The following CCDC97 variants were observed in gnomAD, a reference collection of about 807,000 sequenced individuals.
CCDC97 encodes the protein coiled-coil domain-containing protein 97.
CCDC97 carries 27 observed loss-of-function variants against 33.9 expected under a neutral mutation model. The observed-to-expected ratio is 0.80, with a 90% CI of 0.59 to 1.10. The LOEUF is 1.10. CCDC97 is among the 50% of genes least tolerant of loss of function. CCDC97 has a pLI of 0.00. For synonymous variants in CCDC97, 217 were observed against 194.0 expected (o/e 1.12, Z -0.99); for missense variants, 422 against 476.6 (o/e 0.89, Z 1.07).
At chr19:41,317,858 G>A (rs1353735168) in intron 2 of CCDC97, among the ~76,000 whole-genome samples, 1 of 151,758 alleles carries the variant, frequency 6.6e-6, no homozygotes, top group African/African-American at 2.4e-5. Flanking sequence ...AGAGCAGCCT[G>A]GCCAACATGG....
rs771296615 is a variant in CCDC97, at chr19:41,316,479, C to G, written c.142C>G (p.Pro48Ala). 4 of 1,614,194 alleles carry G rather than the reference C, an allele frequency of 2.5e-6. No individual in the cohort carries two copies. The highest frequency in any genetic ancestry group is 3.4e-6 in the Non-Finnish European group (4 of 1,180,006). ...QDKVEAAEAT[P>A]VALDSDTSGA... is the part of the protein sequence containing the mutation. ...CAAAGTGGAAGCAGCTGAGGCAACA[C>G]CAGTGGCCCTGGACAGTGACACCTC... Residue 48 changes from proline to alanine, a missense_variant, in exon 2 of 5, where the codon CCA becomes GCA. Physicochemically the swap from Pro to Ala is conservative, Grantham distance 27. Coordinates refer to ENST00000269967, the MANE Select transcript of CCDC97 (RefSeq NM_052848.3).
intron 1 of CCDC97, 83 bp downstream of exon 1, chr19:41,310,439 G>A: frequency 6.5e-7 from 1 of 1,539,494 alleles, no homozygotes. Flanking sequence ...ACGCGAAGTA[G>A]GACTCGTTTT....
chr19:41,318,943 G>A (rs1027408248), intron 2 of CCDC97, among the ~76,000 whole-genome samples: 2 of 152,074 alleles, frequency 1.3e-5, no homozygotes, highest in South Asian at 2.1e-4. Flanking sequence ...CCAGACTAGG[G>A]CCCCACAAAC....
rs771327551 is a variant in CCDC97, at chr19:41,324,530, C to T, written c.*1815C>T. The T allele has an allele frequency of 1.3e-5, 2 of 152,220 alleles. No homozygotes were observed. Among genetic ancestry groups the T allele is most frequent in the Non-Finnish European group, 2.9e-5 (2 of 68,062 alleles). The allele number at this position is 152,220 out of a possible 1,614,324, so 9.4% of individuals were successfully genotyped here. A position where few individuals can be genotyped will look rare whatever the true frequency, so the allele number is the denominator to read the frequency against. On this transcript the variant is annotated 3_prime_UTR_variant, in exon 5 of 5. Transcript: ENST00000269967. ...TGGTAGGCGGGCCTAACAAGGGCTC[C>T]GTGCTAGCCACTGTCCCGCACACAG...
At chr19:41,311,306 C>T (rs1405696946) in intron 1 of CCDC97, among the ~76,000 whole-genome samples, 2 of 152,000 alleles carry the variant, frequency 1.3e-5, no homozygotes, top group Non-Finnish European at 2.9e-5. Context: ...GAGTGTCACT[C>T]GAATCCTTTG....
intron 1 of CCDC97, among the ~76,000 whole-genome samples, chr19:41,313,646 T>A (rs2037712100): frequency 6.6e-6 from 1 of 152,166 alleles, no homozygotes; most frequent in Admixed American, 6.6e-5. Flanking sequence ...GCTTGCTCCC[T>A]CCACTCTTGG....
chr19:41,316,560 C>CT lies in CCDC97; in HGVS notation c.224dup (p.Pro76AlafsTer9). ...GCTGCACGCTGTAGCCGCCAGCCGCCTGCCTGTTTGCAGCCAGCAGCAGGG... is the reference window on the plus strand; with the variant it reads ...GCTGCACGCTGTAGCCGCCAGCCGCCTTGCCTGTTTGCAGCCAGCAGCAGGG... On this transcript the variant is annotated frameshift_variant, in exon 2 of 5. Transcript: ENST00000269967. LOFTEE classifies it high-confidence loss of function. 1 of 1,614,266 alleles carries CT rather than the reference C, an allele frequency of 6.2e-7. No individual in the cohort carries two copies. Among genetic ancestry groups the CT allele is most frequent in the Non-Finnish European group, 8.5e-7 (1 of 1,180,044 alleles).
Position 41,310,262 on chromosome 19 carries a change from G to A in CCDC97, c.-49G>A, listed in dbSNP as rs759239244. On this transcript the variant is annotated 5_prime_UTR_variant, in exon 1 of 5. Transcript: ENST00000269967. ...TGTCTCTTGCGTGCGTGGGCCGGAG[G>A]TTAGTGTGCGGGGCCCGCCGGGCGG... The A allele has an allele frequency of 1.4e-5, 22 of 1,567,996 alleles. No individual in the cohort carries two copies. The highest frequency in any genetic ancestry group is 1.5e-5 in the Non-Finnish European group (17 of 1,156,332).
intron 2 of CCDC97, 99 bp downstream of exon 2, chr19:41,316,938 A>G: frequency 1.1e-6 from 1 of 943,168 alleles, no homozygotes; most frequent in Non-Finnish European, 1.6e-6. Flanking sequence ...AGAGACAGAG[A>G]TCCTGGGAGA....
At chr19:41,321,615 C>T (rs890797378) in intron 4 of CCDC97, among the ~76,000 whole-genome samples, 1 of 152,126 alleles carries the variant, frequency 6.6e-6, no homozygotes, top group Non-Finnish European at 1.5e-5. Flanking sequence ...GTGATGGGGC[C>T]ATGAGGAAAA....
Position 41,322,612 on chromosome 19 carries a change from CCGACTTCGACAACCT to C in CCDC97, c.934_948del (p.Phe312_Asp316del), listed in dbSNP as rs770266047. ...TCCTGCAGCACAGTAGACGACAACCCCGACTTCGACAACCTCGACATCGTGGCACGGGATGAGGAG... is the reference window on the plus strand; with the variant it reads ...TCCTGCAGCACAGTAGACGACAACCCCGACATCGTGGCACGGGATGAGGAG... On this transcript the variant is annotated inframe_deletion, in exon 5 of 5. Transcript: ENST00000269967. 1 of 1,613,510 alleles carries C rather than the reference CCGACTTCGACAACCT, an allele frequency of 6.2e-7. No individual in the cohort carries two copies. The highest frequency in any genetic ancestry group is 8.5e-7 in the Non-Finnish European group (1 of 1,179,660).
chr19:41,314,577 T>G (rs938684797), intron 1 of CCDC97, among the ~76,000 whole-genome samples: 12 of 152,270 alleles, frequency 7.9e-5, no homozygotes, highest in Admixed American at 3.9e-4. Flanking sequence ...CCTCAGGGCC[T>G]TTGCAGTAGT....
chr19:41,311,916 T>A (rs912661499), intron 1 of CCDC97, among the ~76,000 whole-genome samples: 2 of 151,956 alleles, frequency 1.3e-5, no homozygotes, highest in African/African-American at 2.4e-5. Context: ...AGAAAAAAAA[T>A]TTGTCTCTTG....
At chr19:41,311,669 G>A (rs753259094) in intron 1 of CCDC97, among the ~76,000 whole-genome samples, 2 of 152,008 alleles carry the variant, frequency 1.3e-5, no homozygotes, top group Admixed American at 6.5e-5. Flanking sequence ...CCCGGGAGGC[G>A]GAGGTTGCAG....
intron 4 of CCDC97, among the ~76,000 whole-genome samples, chr19:41,321,050 C>T (rs2037819714): frequency 6.6e-6 from 1 of 152,186 alleles, no homozygotes; most frequent in Admixed American, 6.5e-5. Context: ...AACACTGGGC[C>T]CAGCAGCAGA....
Position 41,320,466 on chromosome 19 carries a change from T to C in CCDC97, c.907T>C (p.Tyr303His). 1 of 1,613,970 alleles carries C rather than the reference T, an allele frequency of 6.2e-7. No homozygotes were observed. The highest frequency in any genetic ancestry group is 8.5e-7 in the Non-Finnish European group (1 of 1,179,922). ...AGATGGCAAGGACGGGGACTTTGAC[T>C]ACAGGTGCTCCTGTGCCTCCACCTC... ...FLDGKDGDFDYSTVDDNPDFD... is the reference protein window; with the variant it reads ...FLDGKDGDFDHSTVDDNPDFD... Residue 303 changes from tyrosine (Y) to histidine (H), a missense_variant, in exon 4 of 5, where the codon TAC (tyrosine) becomes CAC (histidine). Transcript: ENST00000269967.
At chr19:41,310,477 AC>A (rs1291387008) in intron 1 of CCDC97, 121 bp downstream of exon 1, 4 of 1,507,146 alleles carry the variant, frequency 2.7e-6, no homozygotes, top group Non-Finnish European at 3.5e-6. Flanking sequence ...CCTCAGCTTT[AC>A]CGGTCCTCTT....
At chr19:41,315,296 C>CAAAAAAAAAA (rs71177714) in intron 1 of CCDC97, among the ~76,000 whole-genome samples, 1 of 41,728 alleles carries the variant, frequency 2.4e-5, no homozygotes, top group African/African-American at 1.0e-4. Context: ...GACTCCGTCT[C>CAAAAAAAAAA]AAAAAAAAAA....
At chr19:41,310,567 C>G in intron 1 of CCDC97, 1 of 985,344 alleles carries the variant, frequency 1.0e-6, no homozygotes, top group South Asian at 4.7e-5. Flanking sequence ...CGAAATTAAC[C>G]TCTTCCCAGT....
Sources: gnomAD v4.1 joint callset for allele counts (sites outside exome capture counted in the v4.1 genomes callset) on GRCh38, gnomAD v4.1.1 for gene constraint, MANE v1.5 for transcripts, NCBI Gene and HGNC (gene_info 2026-07-23, HGNC 2026-07-21) for gene names.